ASTN2: variants seen among roughly 807,000 people sequenced by gnomAD.
ASTN2 encodes astrotactin-2.
ASTN2 carries 54 observed loss-of-function variants against 139.8 expected under a neutral mutation model. The observed-to-expected ratio is 0.39, with a 90% CI of 0.31 to 0.48. ASTN2 has a LOEUF of 0.48. Among genes scored for constraint, ASTN2 ranks in the 20% least tolerant of loss-of-function variants. The pLI, the probability that ASTN2 is intolerant of heterozygous loss-of-function variation, is 0.95. For synonymous variants in ASTN2, 756 were observed against 719.5 expected (o/e 1.05, Z -0.81); for missense variants, 1,565 against 1,725.1 (o/e 0.91, Z 1.64).
chr9:116,790,167 C>T (rs998208864), intron 13 of ASTN2, among the ~76,000 whole-genome samples: 2 of 152,128 alleles, frequency 1.3e-5, no homozygotes, highest in Non-Finnish European at 2.9e-5. Flanking sequence ...CTCAGATGAT[C>T]TGCCTGCCTC....
At chr9:117,120,018 G>GTGTGTGTATATATATATA (rs1306397698) in intron 4 of ASTN2, among the ~76,000 whole-genome samples, 145 of 45,952 alleles carry the variant, frequency 3.2e-3, no homozygotes, top group East Asian at 4.6e-3. Flanking sequence ...GTGTGTGTGT[G>GTGTGTGTATATATATATA]TATATATATA....
chr9:116,724,193 A>G (rs943328859), intron 16 of ASTN2, among the ~76,000 whole-genome samples: 1 of 152,236 alleles, frequency 6.6e-6, no homozygotes, highest in Admixed American at 6.5e-5. Flanking sequence ...GTATTACTTC[A>G]AAGTCCTGAA....
Position 116,697,782 on chromosome 9 carries a change from C to T in ASTN2, c.2806+27989G>A, listed in dbSNP as rs756350336. The T allele has an allele frequency of 1.4e-5, 22 of 1,614,116 alleles. No homozygotes were observed. Among genetic ancestry groups the T allele is most frequent in the Non-Finnish European group, 1.8e-5 (21 of 1,180,050 alleles). ...AGCTTCTCACCTGAACCTGGATGCCCTCCGGGAAGTGCTAGAATGCCCCAT... is the reference window on the plus strand; with the variant it reads ...AGCTTCTCACCTGAACCTGGATGCCTTCCGGGAAGTGCTAGAATGCCCCAT... On this transcript the variant is annotated intron_variant, in intron 16 of 22. Coordinates refer to ENST00000313400, the MANE Select transcript of ASTN2 (RefSeq NM_001365068.1).
At chr9:116,658,475 G>C (rs1208144607) in intron 16 of ASTN2, among the ~76,000 whole-genome samples, 5 of 152,100 alleles carry the variant, frequency 3.3e-5, no homozygotes, top group Non-Finnish European at 5.9e-5. Flanking sequence ...CAGAGTGATG[G>C]GTCCCCCACA....
At chr9:116,772,706 C>T (rs1341004579) in intron 13 of ASTN2, among the ~76,000 whole-genome samples, 2 of 152,194 alleles carry the variant, frequency 1.3e-5, no homozygotes, top group Admixed American at 6.5e-5. Context: ...CAGGACTTCC[C>T]TCCTCCTCAA....
chr9:116,871,538 A>T (rs971960637), intron 10 of ASTN2, among the ~76,000 whole-genome samples: 9 of 152,146 alleles, frequency 5.9e-5, no homozygotes, highest in South Asian at 2.1e-4. Flanking sequence ...AACTCTGAAC[A>T]CTTCATGTAA....
At chr9:116,978,797 A>AAG (rs943654603) in intron 7 of ASTN2, among the ~76,000 whole-genome samples, 1 of 152,030 alleles carries the variant, frequency 6.6e-6, no homozygotes, top group African/African-American at 2.4e-5. Flanking sequence ...CAGGGAAAAA[A>AAG]AAAATCTCCT....
At position 117,414,718 on chromosome 9, in the gene ASTN2, G is replaced by T; in HGVS notation, c.221C>A (p.Pro74His). Reference sequence around the variant, plus strand: ...GCCGATGTCGCTCTCCCGCAGGGCGGGCAGTGTGGACACCGTGACGGTCTT... The same window carrying T: ...GCCGATGTCGCTCTCCCGCAGGGCGTGCAGTGTGGACACCGTGACGGTCTT... ...RLKTVTVSTL[P>H]ALRESDIGWS... The change falls in exon 1 of 23, where the codon CCC (proline) becomes CAC (histidine). Residue 74 changes from proline (P) to histidine (H), a missense_variant. Pro to His is a moderately conservative substitution (Grantham distance 77, BLOSUM62 -2). Transcript: ENST00000313400. This position sits in a 1 kb window ranked among gnomAD's most constrained non-coding sequence, Gnocchi z 4.2. 1.6e-6 allele frequency: 2 copies of T among 1,276,942 alleles called. No individual in the cohort carries two copies. Among genetic ancestry groups the T allele is most frequent in the East Asian group, 3.6e-5 (1 of 27,958 alleles). The allele number at this position is 1,276,942 out of a possible 1,614,324, so 79.1% of individuals were successfully genotyped here.
intron 10 of ASTN2, among the ~76,000 whole-genome samples, chr9:116,973,936 T>A (rs1836277276): frequency 6.6e-6 from 1 of 152,070 alleles, no homozygotes; most frequent in Non-Finnish European, 1.5e-5. Flanking sequence ...AAGGTGAGAG[T>A]AAAAACATCT....
chr9:116,742,783 T>C lies in ASTN2; in HGVS notation c.2397-9260A>G, dbSNP rs1251641846. On this transcript the variant is annotated intron_variant, in intron 13 of 22. Transcript: ENST00000313400. ...TGCAATTGTTATATGTCAATTAAAA[T>C]ATAAAATTAAAAATAAAAAGACTTC... Among the ~76,000 whole-genome samples, 4 of 143,318 alleles carry C rather than the reference T, an allele frequency of 2.8e-5. No individual in the cohort carries two copies. The East Asian group carries it at 8.4e-4, about 30-fold the overall frequency. The allele number at this position is 143,318 out of a possible 152,430, so 94.0% of individuals were successfully genotyped here.
intron 19 of ASTN2, among the ~76,000 whole-genome samples, chr9:116,501,310 C>G (rs1045225745): frequency 1.4e-4 from 22 of 152,236 alleles, no homozygotes; most frequent in Non-Finnish European, 2.5e-4. Context: ...CTTTTTTATG[C>G]CTGCATAGTA....
intron 1 of ASTN2, among the ~76,000 whole-genome samples, chr9:117,373,058 G>T (rs915623871): frequency 1.3e-5 from 2 of 152,120 alleles, no homozygotes; most frequent in African/African-American, 4.8e-5. Context: ...TGAGCATGGG[G>T]CAAGGTTCAT....
At chr9:116,687,361 G>A (rs1281801189) in intron 16 of ASTN2, 4 of 662,492 alleles carry the variant, frequency 6.0e-6, no homozygotes, top group African/African-American at 6.0e-5. Flanking sequence ...CGGTGGACTC[G>A]TCGGAGCCGC....
At chr9:116,483,633 TACAC>T (rs1353792620) in intron 20 of ASTN2, among the ~76,000 whole-genome samples, 2 of 151,948 alleles carry the variant, frequency 1.3e-5, no homozygotes, top group Admixed American at 1.3e-4. Context: ...AGAAAATACT[TACAC>T]AGAGAGGGAA....
chr9:117,129,875 A>AT (rs1197281300), intron 4 of ASTN2, among the ~76,000 whole-genome samples: 6 of 151,950 alleles, frequency 3.9e-5, no homozygotes, highest in African/African-American at 7.3e-5. Flanking sequence ...ATATGATTCC[A>AT]TTTTTTTATA....
chr9:116,907,242 C>T (rs1205655955), intron 10 of ASTN2, among the ~76,000 whole-genome samples: 3 of 152,172 alleles, frequency 2.0e-5, no homozygotes, highest in Non-Finnish European at 4.4e-5. Context: ...GTGGGGGACC[C>T]GTTCCCTTTT....
chr9:116,512,267 G>T (rs1365648470), intron 19 of ASTN2, among the ~76,000 whole-genome samples: 1 of 152,216 alleles, frequency 6.6e-6, no homozygotes, highest in Admixed American at 6.5e-5. Context: ...GTACCCAGTA[G>T]TCAGTCAGGA....
At chr9:116,505,211 T>A (rs1364970435) in intron 19 of ASTN2, among the ~76,000 whole-genome samples, 1 of 151,806 alleles carries the variant, frequency 6.6e-6, no homozygotes, top group Admixed American at 6.6e-5. Flanking sequence ...GCTTTTAGTA[T>A]CTGATAGTCT....
chr9:117,319,444 T>A (rs993094869), intron 1 of ASTN2, among the ~76,000 whole-genome samples: 9 of 152,178 alleles, frequency 5.9e-5, no homozygotes, highest in Admixed American at 1.3e-4. Flanking sequence ...TTTTTCTTTT[T>A]TTGAGACAGC....
Sources: allele counts gnomAD v4.1 joint callset (sites outside exome capture counted in the v4.1 genomes callset), GRCh38; gene constraint gnomAD v4.1.1; non-coding constraint Gnocchi (gnomAD v3.1); transcripts MANE v1.5; gene names NCBI Gene and HGNC (gene_info 2026-07-23, HGNC 2026-07-21).